Variants in PRORP observed in about 807,000 individuals in gnomAD.
PRORP encodes protein only RNase P catalytic subunit, also known as mitochondrial ribonuclease P catalytic subunit.
A neutral mutation model predicts 59.4 loss-of-function variants in PRORP; 51 were observed. The ratio of observed to expected loss-of-function variants is 0.86; its 90% confidence interval spans 0.69 to 1.08. The LOEUF (loss-of-function observed/expected upper bound fraction) is 1.08. Among genes scored for constraint, PRORP ranks in the 50% least tolerant of loss-of-function variants. The probability of loss-of-function intolerance (pLI) is 0.00; values close to 1 mark genes in which losing one functional copy is unlikely to be tolerated. For missense variants in PRORP, 646 were observed against 690.3 expected (o/e 0.94, Z 0.72); for synonymous variants, 231 against 245.6 (o/e 0.94, Z 0.55).
chr14:35,227,835 C>T (rs1053131020), intron 5 of PRORP, among the ~76,000 whole-genome samples: 1 of 151,888 alleles, frequency 6.6e-6, no homozygotes, highest in Non-Finnish European at 1.5e-5. Context: ...CGCAGAAATA[C>T]GTAACAGGTA....
In PRORP at chr14:35,126,725, CTT is replaced by C. The variant is rs1286967925; in HGVS notation, c.987-7_987-6del. 6.2e-7 allele frequency: 1 copy of C among 1,604,670 alleles called. No homozygotes were observed. Among genetic ancestry groups the C allele is most frequent in the Non-Finnish European group, 8.5e-7 (1 of 1,173,974 alleles). ...CCTTCTCATGATTTGGTTTTGCAAT[CTT>C]TTCATAGTGTTCCTGGAAAACAATG... On this transcript the variant is annotated splice_region_variant and splice_polypyrimidine_tract_variant and intron_variant, in intron 2 of 7. Transcript: ENST00000534898.
intron 4 of PRORP, among the ~76,000 whole-genome samples, chr14:35,166,817 T>C (rs1051581457): frequency 1.3e-5 from 2 of 152,174 alleles, no homozygotes; most frequent in African/African-American, 4.8e-5. Flanking sequence ...TTTTTCACCC[T>C]ATTGAATTAT....
intron 5 of PRORP, among the ~76,000 whole-genome samples, chr14:35,231,195 T>A (rs749192164): frequency 1.3e-5 from 2 of 152,214 alleles, no homozygotes; most frequent in Non-Finnish European, 2.9e-5. Flanking sequence ...TTACCATGTC[T>A]GAGGAGAATA....
chr14:35,160,105 C>G (rs989888422), intron 4 of PRORP, among the ~76,000 whole-genome samples: 1 of 152,140 alleles, frequency 6.6e-6, no homozygotes, highest in East Asian at 1.9e-4. Flanking sequence ...TCCAGTTGTA[C>G]GTTGCTCTTG....
At chr14:35,229,273 G>T (rs560202609) in intron 5 of PRORP, among the ~76,000 whole-genome samples, 1 of 152,162 alleles carries the variant, frequency 6.6e-6, no homozygotes, top group South Asian at 2.1e-4. Flanking sequence ...AGTTTCTTTT[G>T]TTGTGCAGAA....
intron 4 of PRORP, among the ~76,000 whole-genome samples, chr14:35,135,813 C>T (rs1394821248): frequency 6.6e-6 from 1 of 151,988 alleles, no homozygotes; most frequent in Non-Finnish European, 1.5e-5. Context: ...CAAAAATTAG[C>T]TGGTCGTGGT....
chr14:35,145,024 G>A lies in PRORP; in HGVS notation c.1167+17413G>A, dbSNP rs2047571355. Among the ~76,000 whole-genome samples the A allele has an allele frequency of 1.4e-5, 2 of 145,344 alleles. 1 individual carries two copies. The highest frequency in any genetic ancestry group is 3.1e-5 in the Non-Finnish European group (2 of 65,514). ...AGACCCTTGTCACCCAAACTAGAGT[G>A]CAGTGGCGTGATCATAGCTCATTGC... On this transcript the variant is annotated intron_variant, in intron 4 of 7. Transcript: ENST00000534898.
chr14:35,239,044 A>C (rs1348341957), intron 5 of PRORP, among the ~76,000 whole-genome samples: 1 of 152,164 alleles, frequency 6.6e-6, no homozygotes, highest in Non-Finnish European at 1.5e-5. Context: ...ACTTGCCCAG[A>C]GGTAACAGCT....
At chr14:35,190,801 C>A (rs2048864386) in intron 5 of PRORP, among the ~76,000 whole-genome samples, 1 of 152,180 alleles carries the variant, frequency 6.6e-6, no homozygotes, top group East Asian at 1.9e-4. Flanking sequence ...CCGCACCCGG[C>A]TGACTGTATT....
intron 5 of PRORP, among the ~76,000 whole-genome samples, chr14:35,228,402 C>A (rs2138480657): frequency 6.6e-6 from 1 of 152,266 alleles, no homozygotes; most frequent in Non-Finnish European, 1.5e-5. Context: ...GATCCCCTCA[C>A]CCAGGTAGTG....
intron 5 of PRORP, among the ~76,000 whole-genome samples, chr14:35,205,172 A>T (rs922577010): frequency 3.9e-5 from 6 of 152,006 alleles, no homozygotes; most frequent in Non-Finnish European, 8.8e-5. Context: ...TTTTTAAAAA[A>T]ATATGCAGTT....
chr14:35,214,617 A>G (rs1379489832), intron 5 of PRORP, among the ~76,000 whole-genome samples: 2 of 152,188 alleles, frequency 1.3e-5, no homozygotes, highest in African/African-American at 4.8e-5. Context: ...ACCCCAAAAC[A>G]AAGCTGGGGC....
At chr14:35,237,844 C>T (rs551716595) in intron 5 of PRORP, among the ~76,000 whole-genome samples, 3 of 151,984 alleles carry the variant, frequency 2.0e-5, no homozygotes, top group South Asian at 2.1e-4. Flanking sequence ...CTAGTAGAGA[C>T]GGGGTTTCAC....
chr14:35,184,618 C>T (rs2048698503), intron 5 of PRORP, among the ~76,000 whole-genome samples: 1 of 152,082 alleles, frequency 6.6e-6, no homozygotes, highest in South Asian at 2.1e-4. Flanking sequence ...ATTTCATCAC[C>T]CAGGTATTAA....
intron 5 of PRORP, among the ~76,000 whole-genome samples, chr14:35,231,925 T>C (rs2050091489): frequency 1.3e-5 from 2 of 152,234 alleles, no homozygotes; most frequent in Non-Finnish European, 2.9e-5. Context: ...CTTTATTATA[T>C]ACATGCATAC....
At chr14:35,127,341 A>C (rs1455802764) in intron 3 of PRORP, 138 bp from the exon 4 acceptor site, 10 of 587,050 alleles carry the variant, frequency 1.7e-5, no homozygotes, top group Non-Finnish European at 2.7e-5. Context: ...AAAAAATTAG[A>C]TGTATGTGAT....
At position 35,154,914 on chromosome 14, in the gene PRORP, A is replaced by C. The variant is rs918614108; in HGVS notation, c.1168-25756A>C. Among the ~76,000 whole-genome samples, 4 of 149,362 alleles carry C rather than the reference A, an allele frequency of 2.7e-5. No individual in the cohort carries two copies. In the East Asian group the frequency reaches 7.8e-4, roughly 29 times the overall value. On this transcript the variant is annotated intron_variant, in intron 4 of 7. Transcript: ENST00000534898. ...GTGAGTTAAAACTCTTTTTTTTTTG[A>C]GGCAGGGTCTCAATCTGTTACCCAG...
chr14:35,261,815 A>T (rs547219465), intron 5 of PRORP, among the ~76,000 whole-genome samples: 10 of 152,132 alleles, frequency 6.6e-5, no homozygotes, highest in Non-Finnish European at 1.5e-4. Flanking sequence ...CCCGAGAGGA[A>T]GTGGGTTCAT....
In PRORP at chr14:35,246,031, G is replaced by C. The variant is rs75326973; in HGVS notation, c.1276-20696G>C. Among the ~76,000 whole-genome samples, 266 of 152,298 alleles carry C rather than the reference G, an allele frequency of 1.7e-3. 13 individuals carry two copies. The East Asian group carries it at 0.044, about 25-fold the overall frequency. On this transcript the variant is annotated intron_variant, in intron 5 of 7. Transcript: ENST00000534898. ...ATATTATTTCAGAATTTTGAAGGCA[G>C]TGTTTTATGCTCCCAGTGTTACTCT...
Sources: gnomAD v4.1 joint callset for allele counts (sites outside exome capture counted in the v4.1 genomes callset) on GRCh38, gnomAD v4.1.1 for gene constraint, MANE v1.5 for transcripts, NCBI Gene and HGNC (gene_info 2026-07-23, HGNC 2026-07-21) for gene names.